The following EFCAB8 variants were observed in gnomAD, a reference collection of about 807,000 sequenced individuals.
EFCAB8 encodes the protein EF-hand calcium binding domain 8.
Under a neutral mutation model 116.3 loss-of-function variants are expected in EFCAB8, and 100 were observed. That is an observed-to-expected ratio of 0.86 (90% CI 0.73 to 1.02). EFCAB8 has a LOEUF of 1.02. Ranked by LOEUF, EFCAB8 falls within the 50% of genes least tolerant of loss-of-function variation. The pLI, the probability that EFCAB8 is intolerant of heterozygous loss-of-function variation, is 0.00. For synonymous variants in EFCAB8, 558 were observed against 567.9 expected (o/e 0.98, Z 0.25); for missense variants, 1,320 against 1,416.9 (o/e 0.93, Z 1.10).
At chr20:32,862,157 G>A (rs1260263907) in intron 1 of EFCAB8, among the ~76,000 whole-genome samples, 1 of 149,978 alleles carries the variant, frequency 6.7e-6, no homozygotes. Flanking sequence ...TTGAGACAGG[G>A]TCTCACTCTG....
At position 32,939,014 on chromosome 20, in the gene EFCAB8, TTCCCTCCC is replaced by T. The variant is rs147666599; in HGVS notation, c.2791-4610_2791-4603del. ...CTTCCTTCCTTCCCTCCTTCCCTCC[TTCCCTCCC>T]TCCCTCCCTCCTTCCTTCCTTCGTT... is the stretch of plus-strand genomic sequence containing the variant. On this transcript the variant is annotated intron_variant, in intron 22 of 26. Coordinates refer to ENST00000400522, the MANE Select transcript of EFCAB8 (RefSeq NM_001143967.2). Among the ~76,000 whole-genome samples, 961 of 126,494 alleles carry T rather than the reference TTCCCTCCC, an allele frequency of 7.6e-3. 41 individuals carry two copies. The highest frequency in any genetic ancestry group is 0.027 in the African/African-American group (909 of 33,646). 83.0% of individuals were successfully genotyped at this position (126,494 alleles called of 152,430 possible). A position where few individuals can be genotyped will look rare whatever the true frequency, so the allele number is the denominator to read the frequency against.
At chr20:32,958,966 AT>A (rs1029842278) in intron 24 of EFCAB8, among the ~76,000 whole-genome samples, 2 of 152,096 alleles carry the variant, frequency 1.3e-5, no homozygotes, top group African/African-American at 4.8e-5. Context: ...TATTTCCCTG[AT>A]TTGCAGGGAG....
intron 20 of EFCAB8, among the ~76,000 whole-genome samples, chr20:32,925,350 G>A (rs539996800): frequency 2.0e-5 from 3 of 152,274 alleles, no homozygotes; most frequent in African/African-American, 7.2e-5. Flanking sequence ...CTCCTGAGTA[G>A]CTGGGATTAC....
intron 6 of EFCAB8, 63 bp downstream of exon 6, chr20:32,885,703 C>G: frequency 2.0e-6 from 3 of 1,527,928 alleles, no homozygotes; most frequent in Non-Finnish European, 2.7e-6. Context: ...CCTTAGCACC[C>G]CCATGGTGAA....
chr20:32,930,764 T>C, intron 21 of EFCAB8, 148 bp downstream of exon 21: 1 of 782,760 alleles, frequency 1.3e-6, no homozygotes, highest in Non-Finnish European at 2.0e-6. Context: ...CCTCTCCTGC[T>C]CTGCTAAGCC....
chr20:32,911,004 T>G (rs957212441), intron 15 of EFCAB8, among the ~76,000 whole-genome samples: 7 of 152,132 alleles, frequency 4.6e-5, no homozygotes, highest in African/African-American at 1.7e-4. Context: ...TCCCAAAGTT[T>G]TAGGATTACA....
chr20:32,911,662 C>A lies in EFCAB8; in HGVS notation c.1740C>A (p.Asn580Lys). The change falls in exon 16 of 27, where the codon AAC becomes AAA. Residue 580 changes from asparagine to lysine, a missense_variant. Transcript: ENST00000400522. Reference protein sequence around the residue: ...RDGTMKMWNYNIGKCLLTFPS... With the variant: ...RDGTMKMWNYKIGKCLLTFPS... ...GCACAATGAAGATGTGGAACTACAA[C>A]ATTGGCAAATGCCTGTTGACCTTTC... The A allele has an allele frequency of 6.4e-7, 1 of 1,551,776 alleles. No individual in the cohort carries two copies. Among genetic ancestry groups the A allele is most frequent in the South Asian group, 1.2e-5 (1 of 84,064 alleles).
At chr20:32,887,500 C>T (rs759905367) in intron 6 of EFCAB8, among the ~76,000 whole-genome samples, 2 of 152,284 alleles carry the variant, frequency 1.3e-5, no homozygotes, top group East Asian at 1.9e-4. Flanking sequence ...CACTGGAACC[C>T]GGAGGCAGAG....
chr20:32,927,275 C>G (rs1044768443), intron 20 of EFCAB8, among the ~76,000 whole-genome samples: 2 of 152,114 alleles, frequency 1.3e-5, no homozygotes, highest in African/African-American at 2.4e-5. Flanking sequence ...ATGAACTTCA[C>G]GAGTAAATCT....
intron 17 of EFCAB8, among the ~76,000 whole-genome samples, chr20:32,916,381 C>A (rs531999876): frequency 1.3e-5 from 2 of 152,292 alleles, no homozygotes; most frequent in Admixed American, 1.3e-4. Context: ...CCTCAGCCTC[C>A]TGAATAGCTA....
chr20:32,861,341 T>C (rs1173173801), intron 1 of EFCAB8, among the ~76,000 whole-genome samples: 1 of 152,122 alleles, frequency 6.6e-6, no homozygotes, highest in East Asian at 1.9e-4. Flanking sequence ...CAGGCTGGAG[T>C]GCAATGGCAC....
At position 32,875,185 on chromosome 20, in the gene EFCAB8, C is replaced by T. The variant is rs1235300215; in HGVS notation, c.209-741C>T. Among the ~76,000 whole-genome samples the T allele has an allele frequency of 2.6e-5, 4 of 152,176 alleles. No homozygotes were observed. The East Asian group carries it at 7.7e-4, about 29-fold the overall frequency. On this transcript the variant is annotated intron_variant, in intron 3 of 26. Coordinates refer to ENST00000400522, the MANE Select transcript of EFCAB8 (RefSeq NM_001143967.2). ...GGACCAACACAGTGCTCCCATATGGCGGGTTTTCAGCCAGGACTTGTGGGG... is the reference window on the plus strand; with the variant it reads ...GGACCAACACAGTGCTCCCATATGGTGGGTTTTCAGCCAGGACTTGTGGGG...
At chr20:32,926,499 A>G (rs1242212021) in intron 20 of EFCAB8, among the ~76,000 whole-genome samples, 1 of 137,444 alleles carries the variant, frequency 7.3e-6, no homozygotes, top group Admixed American at 7.3e-5. Context: ...ATAATAATCT[A>G]TCCACTTCAT....
At chr20:32,921,495 T>C (rs1193519930) in intron 20 of EFCAB8, among the ~76,000 whole-genome samples, 2 of 151,906 alleles carry the variant, frequency 1.3e-5, no homozygotes, top group Non-Finnish European at 2.9e-5. Context: ...GGATTACAGA[T>C]GTGAACCATT....
intron 23 of EFCAB8, among the ~76,000 whole-genome samples, chr20:32,945,353 C>T (rs548193229): frequency 6.6e-5 from 10 of 152,142 alleles, no homozygotes; most frequent in East Asian, 1.9e-4. Context: ...GACAGAGTTT[C>T]ACCATGTTGC....
intron 20 of EFCAB8, among the ~76,000 whole-genome samples, chr20:32,920,486 T>C (rs957375119): frequency 2.0e-5 from 3 of 152,108 alleles, no homozygotes; most frequent in African/African-American, 7.2e-5. Context: ...GGACTTATAG[T>C]TCCATATGGC....
At chr20:32,939,010 C>T (rs1262039214) in intron 22 of EFCAB8, among the ~76,000 whole-genome samples, 3 of 111,560 alleles carry the variant, frequency 2.7e-5, no homozygotes, top group African/African-American at 7.6e-5. Context: ...CCCTCCTTCC[C>T]TCCTTCCCTC....
At position 32,924,594 on chromosome 20, in the gene EFCAB8, G is replaced by A. The variant is rs546103870; in HGVS notation, c.2412+4379G>A. Among the ~76,000 whole-genome samples the A allele has an allele frequency of 2.6e-5, 4 of 152,290 alleles. No individual in the cohort carries two copies. The South Asian group carries it at 8.3e-4, about 32-fold the overall frequency. The stretch of plus-strand genomic sequence containing the variant: ...CCCAAGATTCTTATGGCCAGAAAAT[G>A]GCAGAGCCAGGGCCTGATTCTAGGT... On this transcript the variant is annotated intron_variant, in intron 20 of 26. Coordinates refer to ENST00000400522, the MANE Select transcript of EFCAB8 (RefSeq NM_001143967.2).
chr20:32,914,137 T>C (rs1405444589), intron 17 of EFCAB8, among the ~76,000 whole-genome samples: 2 of 152,214 alleles, frequency 1.3e-5, no homozygotes, highest in Non-Finnish European at 2.9e-5. Context: ...AGCCATGTCC[T>C]CCCAGCTCTG....
Sources: allele counts gnomAD v4.1 joint callset (sites outside exome capture counted in the v4.1 genomes callset), GRCh38; gene constraint gnomAD v4.1.1; transcripts MANE v1.5; gene names NCBI Gene and HGNC (gene_info 2026-07-23, HGNC 2026-07-21).